LRRN3: variants seen among roughly 807,000 people sequenced by gnomAD.
LRRN3 encodes the protein leucine-rich repeat neuronal protein 3.
Under a neutral mutation model 40.1 loss-of-function variants are expected in LRRN3, and 15 were observed. The observed-to-expected ratio is 0.37, with a 90% CI of 0.25 to 0.58. The LOEUF is 0.58. LRRN3 is among the 20% of genes least tolerant of loss of function. The pLI is 0.72. For missense variants in LRRN3, 746 were observed against 837.7 expected, an observed-to-expected ratio of 0.89 and a Z score of 1.35; for synonymous variants, 308 against 297.2, an observed-to-expected ratio of 1.04 and a Z score of -0.37.
At chr7:111,112,938 A>C (rs1311080604) in intron 2 of LRRN3, among the ~76,000 whole-genome samples, 1 of 152,116 alleles carries the variant, frequency 6.6e-6, no homozygotes, top group Non-Finnish European at 1.5e-5. Context: ...AGCTAATTTT[A>C]TTTCCTTTCT....
At chr7:111,109,005 G>A (rs1009018093) in intron 2 of LRRN3, among the ~76,000 whole-genome samples, 1 of 152,120 alleles carries the variant, frequency 6.6e-6, no homozygotes, top group Non-Finnish European at 1.5e-5. Flanking sequence ...TGGAGATGAT[G>A]GGAAGTAAGC....
chr7:111,111,781 G>C (rs1799236285), intron 2 of LRRN3, among the ~76,000 whole-genome samples: 2 of 151,804 alleles, frequency 1.3e-5, no homozygotes, highest in East Asian at 1.9e-4. Flanking sequence ...TTATTGTGAG[G>C]CTTCTATAAA....
intron 1 of LRRN3, 124 bp downstream of exon 1, chr7:111,091,628 C>CT (rs1270769296): frequency 6.6e-6 from 1 of 152,138 alleles, no homozygotes; most frequent in African/African-American, 2.4e-5. Context: ...GAGCATTTTT[C>CT]TTTTATTGCA....
intron 2 of LRRN3, among the ~76,000 whole-genome samples, chr7:111,115,054 G>A (rs1799712260): frequency 2.0e-5 from 3 of 152,224 alleles, no homozygotes; most frequent in Non-Finnish European, 2.9e-5. Flanking sequence ...TCTAAGATGA[G>A]TGAATATTAA....
intron 1 of LRRN3, among the ~76,000 whole-genome samples, chr7:111,095,282 A>G (rs1302102282): frequency 6.6e-6 from 1 of 152,022 alleles, no homozygotes; most frequent in African/African-American, 2.4e-5. Flanking sequence ...GTAATACATT[A>G]TACTTTGTAT....
At chr7:111,106,821 A>G (rs936676360) in intron 2 of LRRN3, among the ~76,000 whole-genome samples, 19 of 151,338 alleles carry the variant, frequency 1.3e-4, no homozygotes, top group African/African-American at 4.1e-4. Context: ...ACACACAAAT[A>G]GATTTCTTTT....
At chr7:111,113,822 G>T (rs891040360) in intron 2 of LRRN3, among the ~76,000 whole-genome samples, 2 of 151,930 alleles carry the variant, frequency 1.3e-5, no homozygotes, top group African/African-American at 4.8e-5. Context: ...GAAGATAAAA[G>T]GATGACATCA....
At chr7:111,099,372 A>T (rs1797732418) in intron 1 of LRRN3, among the ~76,000 whole-genome samples, 1 of 151,740 alleles carries the variant, frequency 6.6e-6, no homozygotes, top group East Asian at 1.9e-4. Flanking sequence ...TTTCAATGAA[A>T]TTCATCAATC....
chr7:111,115,458 TG>T (rs1221872729), intron 2 of LRRN3, among the ~76,000 whole-genome samples: 5 of 151,984 alleles, frequency 3.3e-5, no homozygotes, highest in African/African-American at 1.2e-4. Flanking sequence ...TGGTAATTTA[TG>T]AGTATACAGA....
At chr7:111,104,233 C>T (rs555468767) in intron 2 of LRRN3, among the ~76,000 whole-genome samples, 153 of 151,690 alleles carry the variant, frequency 1.0e-3, no homozygotes, top group African/African-American at 3.6e-3. Context: ...AATGATGAAA[C>T]TCCAGGTAGG....
chr7:111,124,794 T>G lies in LRRN3; in HGVS notation c.2022T>G (p.Gly674=). ...TACAGAAACCAACCTTTGCATTAGG[T>G]GAGCTTTATCCTCCTCTGATAAATC... ...NYLQKPTFAL[G]ELYPPLINLW... is the part of the protein sequence containing the mutation. The change falls in exon 3 of 3, where the codon GGT becomes GGG. Residue 674 remains glycine, a synonymous_variant. Transcript: ENST00000308478. 1 of 1,613,490 alleles carries G rather than the reference T, an allele frequency of 6.2e-7. No homozygotes were observed. The highest frequency in any genetic ancestry group is 1.6e-4 in the Middle Eastern group (1 of 6,062).
intron 2 of LRRN3, among the ~76,000 whole-genome samples, chr7:111,100,560 A>T (rs1797865241): frequency 6.6e-6 from 1 of 150,398 alleles, no homozygotes; most frequent in African/African-American, 2.4e-5. Flanking sequence ...AATAAATAAT[A>T]TAATGATAAT....
chr7:111,118,441 A>T (rs1800156676), intron 2 of LRRN3, among the ~76,000 whole-genome samples: 1 of 152,112 alleles, frequency 6.6e-6, no homozygotes. Context: ...GGAATTGGAT[A>T]TATAAGATAT....
intron 2 of LRRN3, among the ~76,000 whole-genome samples, chr7:111,111,928 T>A (rs1799257101): frequency 6.9e-6 from 1 of 145,794 alleles, no homozygotes; most frequent in African/African-American, 2.5e-5. Context: ...TATTTATATA[T>A]ATATATATAG....
intron 2 of LRRN3, among the ~76,000 whole-genome samples, chr7:111,117,649 T>C (rs1302465824): frequency 6.6e-6 from 1 of 152,062 alleles, no homozygotes; most frequent in Non-Finnish European, 1.5e-5. Flanking sequence ...ACAATACCTC[T>C]GGGATATGGA....
chr7:111,106,654 TTAAGA>T (rs1034630724), intron 2 of LRRN3, among the ~76,000 whole-genome samples: 2 of 147,662 alleles, frequency 1.4e-5, no homozygotes, highest in South Asian at 2.3e-4. Context: ...ATAAATAATA[TTAAGA>T]TAACAGGAAT....
Position 111,125,436 on chromosome 7 carries a change from A to G in LRRN3, c.*537A>G, listed in dbSNP as rs1801192880. Reference sequence around the variant, plus strand: ...TTCTGTCTTGTTTTGTTTCTAAATAAAGAATAATTTCTGGGAAATATCATC... The same window carrying G: ...TTCTGTCTTGTTTTGTTTCTAAATAGAGAATAATTTCTGGGAAATATCATC... On this transcript the variant is annotated 3_prime_UTR_variant, in exon 3 of 3. Transcript: ENST00000308478. The G allele has an allele frequency of 6.0e-6, 1 of 167,108 alleles. No individual in the cohort carries two copies. Among genetic ancestry groups the G allele is most frequent in the South Asian group, 2.1e-4 (1 of 4,832 alleles). 10.4% of individuals were successfully genotyped at this position (167,108 alleles called of 1,614,324 possible).
At chr7:111,119,453 A>G (rs1800313040) in intron 2 of LRRN3, among the ~76,000 whole-genome samples, 1 of 152,232 alleles carries the variant, frequency 6.6e-6, no homozygotes, top group Non-Finnish European at 1.5e-5. Flanking sequence ...AGTGCTCAAT[A>G]AATGTTGACT....
In LRRN3 at chr7:111,124,655, C is replaced by G; in HGVS notation, c.1883C>G (p.Thr628Arg). ...QKEYEKNNTT[T>R]LMACLGGLLG... ...GAGTATGAAAAGAATAATACCACAA[C>G]ACTTATGGCCTGTCTTGGAGGCCTT... Residue 628 changes from threonine (T) to arginine (R), a missense_variant, in exon 3 of 3, where the codon ACA becomes AGA. Transcript: ENST00000308478. 1.2e-6 allele frequency: 2 copies of G among 1,613,902 alleles called. No homozygotes were observed. Among genetic ancestry groups the G allele is most frequent in the Non-Finnish European group, 1.7e-6 (2 of 1,179,944 alleles).
Sources: gnomAD v4.1 joint callset for allele counts (sites outside exome capture counted in the v4.1 genomes callset) on GRCh38, gnomAD v4.1.1 for gene constraint, MANE v1.5 for transcripts, NCBI Gene and HGNC (gene_info 2026-07-23, HGNC 2026-07-21) for gene names.